DGKB: variants seen among roughly 807,000 people sequenced by gnomAD.
DGKB encodes 90 kDa diacylglycerol kinase.
In DGKB, 67 loss-of-function variants were observed where a neutral mutation model predicts 114.3. That is an observed-to-expected ratio of 0.59 (90% CI 0.48 to 0.72). The LOEUF is 0.72. DGKB is among the 30% of genes least tolerant of loss of function. The pLI, the probability that DGKB is intolerant of heterozygous loss-of-function variation, is 0.00. For missense variants in DGKB, 907 were observed against 975.2 expected, an observed-to-expected ratio of 0.93 and a Z score of 0.93; for synonymous variants, 398 against 323.1, an observed-to-expected ratio of 1.23 and a Z score of -2.49.
At chr7:14,539,550 C>T (rs982889289) in intron 20 of DGKB, among the ~76,000 whole-genome samples, 1 of 152,098 alleles carries the variant, frequency 6.6e-6, no homozygotes, top group Admixed American at 6.5e-5. Context: ...TATTTCCTAA[C>T]CCTGTTTTAA....
At chr7:14,402,941 A>G (rs1823362761) in intron 21 of DGKB, among the ~76,000 whole-genome samples, 1 of 151,894 alleles carries the variant, frequency 6.6e-6, no homozygotes, top group South Asian at 2.1e-4. Context: ...CAATTCTTAG[A>G]GGAATTTCTA....
At chr7:14,240,628 C>T (rs776346714) in intron 23 of DGKB, among the ~76,000 whole-genome samples, 15 of 152,028 alleles carry the variant, frequency 9.9e-5, no homozygotes, top group Non-Finnish European at 1.8e-4. Context: ...CTTACCTTTT[C>T]TTCCCTCCCC....
At chr7:14,418,898 GT>G (rs1563144386) in intron 21 of DGKB, among the ~76,000 whole-genome samples, 1 of 151,872 alleles carries the variant, frequency 6.6e-6, no homozygotes, top group East Asian at 1.9e-4. Flanking sequence ...TTCAGTAAGG[GT>G]TAACTGAATC....
At chr7:14,355,540 T>C (rs1186518229) in intron 21 of DGKB, among the ~76,000 whole-genome samples, 1 of 152,180 alleles carries the variant, frequency 6.6e-6, no homozygotes, top group Non-Finnish European at 1.5e-5. Context: ...GATAATCATG[T>C]GGTTTTTGTC....
chr7:14,488,783 G>A (rs568011344), intron 20 of DGKB, among the ~76,000 whole-genome samples: 1 of 150,664 alleles, frequency 6.6e-6, no homozygotes, highest in Non-Finnish European at 1.5e-5. Flanking sequence ...AGCCGAGACT[G>A]CGCCACTGCA....
chr7:14,764,548 A>G (rs1836178848), intron 2 of DGKB, among the ~76,000 whole-genome samples: 1 of 151,976 alleles, frequency 6.6e-6, no homozygotes, highest in South Asian at 2.1e-4. Context: ...TAATTAGCCT[A>G]CATCTCCATG....
chr7:14,176,994 T>C (rs1781842323), intron 24 of DGKB, 95 bp from the exon 25 acceptor site: 1 of 1,430,466 alleles, frequency 7.0e-7, no homozygotes, highest in African/African-American at 1.4e-5. Flanking sequence ...GGGAAGGCAA[T>C]ATGGTAATAG....
chr7:14,708,645 C>G (rs1291346855), intron 6 of DGKB, among the ~76,000 whole-genome samples: 3 of 151,666 alleles, frequency 2.0e-5, no homozygotes, highest in Admixed American at 2.0e-4. Context: ...GAACAGAGCC[C>G]TCAGAAATAA....
chr7:14,655,000 C>T (rs1264207068), intron 13 of DGKB, among the ~76,000 whole-genome samples: 1 of 151,720 alleles, frequency 6.6e-6, no homozygotes, highest in East Asian at 1.9e-4. Flanking sequence ...GTTACAAAGG[C>T]ACAGGTACCA....
In DGKB at chr7:14,456,015, C is replaced by T. The variant is rs541975138; in HGVS notation, c.1835+22146G>A. Among the ~76,000 whole-genome samples, 57 of 151,962 alleles carry T rather than the reference C, an allele frequency of 3.8e-4. 1 individual carries two copies. Among genetic ancestry groups the T allele is most frequent in the East Asian group, 1.2e-3 (6 of 5,168 alleles). ...ATTTCTAATCCAAAAATCCAAAATC[C>T]GAAATGTTACAAAATCTAAAATTTT... On this transcript the variant is annotated intron_variant, in intron 21 of 25. Transcript: ENST00000402815.
At chr7:14,191,824 C>G in intron 23 of DGKB, 1 of 454,502 alleles carries the variant, frequency 2.2e-6, no homozygotes, top group South Asian at 1.7e-5. Flanking sequence ...CAGGCTAAAT[C>G]AGTGACGGCT....
chr7:14,369,682 C>CT (rs1283590792), intron 21 of DGKB, among the ~76,000 whole-genome samples: 1 of 152,106 alleles, frequency 6.6e-6, no homozygotes, highest in Non-Finnish European at 1.5e-5. Context: ...TGATGATTAT[C>CT]TTTTTTTATA....
chr7:14,161,749 G>A (rs1783926754), intron 25 of DGKB, among the ~76,000 whole-genome samples: 1 of 151,928 alleles, frequency 6.6e-6, no homozygotes. Flanking sequence ...AAACCACCAT[G>A]ACACATGTAT....
intron 13 of DGKB, among the ~76,000 whole-genome samples, chr7:14,664,324 C>G (rs1817659515): frequency 6.6e-6 from 1 of 152,016 alleles, no homozygotes; most frequent in South Asian, 2.1e-4. Context: ...GTTGGTGTCT[C>G]TTGACTATTC....
At chr7:14,947,879 C>T (rs1447402206) in intron 1 of DGKB, among the ~76,000 whole-genome samples, 1 of 151,534 alleles carries the variant, frequency 6.6e-6, no homozygotes, top group Non-Finnish European at 1.5e-5. Flanking sequence ...TTATTCTTTC[C>T]AATTAATTGA....
rs78917585 is a variant in DGKB, at chr7:14,222,341, G to A, written c.2123-44190C>T. Among the ~76,000 whole-genome samples the A allele has an allele frequency of 2.8e-3, 427 of 150,880 alleles. 3 individuals are homozygous for A. The highest frequency in any genetic ancestry group is 0.022 in the East Asian group (114 of 5,126). ...GCATCCCCAAAATTTGGTATGTTAC[G>A]TCTTCATTCATCTTAAGGTGCTTTC... On this transcript the variant is annotated intron_variant, in intron 23 of 25. Coordinates refer to ENST00000402815, the MANE Select transcript of DGKB (RefSeq NM_001350709.2).
Position 14,210,378 on chromosome 7 carries a change from C to T in DGKB, c.2123-32227G>A, listed in dbSNP as rs184404029. Reference sequence around the variant, plus strand: ...CTCTTCAAGACTAATTAGAAGATAGCACTCCAGTGTGATGGCTGCTTTGTC... The same window carrying T: ...CTCTTCAAGACTAATTAGAAGATAGTACTCCAGTGTGATGGCTGCTTTGTC... On this transcript the variant is annotated intron_variant, in intron 23 of 25. Transcript: ENST00000402815. Among the ~76,000 whole-genome samples the T allele has an allele frequency of 2.6e-5, 4 of 152,242 alleles. No individual in the cohort carries two copies. The East Asian group carries it at 5.8e-4, about 22-fold the overall frequency.
Position 14,775,113 on chromosome 7 carries a change from ATT to A in DGKB, c.71-17384_71-17383del, listed in dbSNP as rs545283816. Among the ~76,000 whole-genome samples, 164 of 152,218 alleles carry A rather than the reference ATT, an allele frequency of 1.1e-3. 1 individual carries two copies. Among genetic ancestry groups the A allele is most frequent in the South Asian group, 3.1e-3 (15 of 4,826 alleles). On this transcript the variant is annotated intron_variant, in intron 2 of 25. Coordinates refer to ENST00000402815, the MANE Select transcript of DGKB (RefSeq NM_001350709.2). Reference sequence around the variant, plus strand: ...TTTGAATTCGTGAGCATAAATACATATTTAGAAAATTGGGATCCAAAATTACG... The same window carrying A: ...TTTGAATTCGTGAGCATAAATACATATAGAAAATTGGGATCCAAAATTACG...
In DGKB at chr7:14,478,234, A is replaced by T; in HGVS notation, c.1771-9T>A. 6.5e-7 allele frequency: 1 copy of T among 1,549,656 alleles called. No homozygotes were observed. The highest frequency in any genetic ancestry group is 8.8e-7 in the Non-Finnish European group (1 of 1,139,192). On this transcript the variant is annotated splice_polypyrimidine_tract_variant and intron_variant, in intron 20 of 25. Coordinates refer to ENST00000402815, the MANE Select transcript of DGKB (RefSeq NM_001350709.2). ...TGTGCAATGGAGGCATCCTAAGGGG[A>T]GAAAATAGAAAACAAAAACAGGATG... is the stretch of plus-strand genomic sequence containing the variant.
Sources: gnomAD v4.1 joint callset for allele counts (sites outside exome capture counted in the v4.1 genomes callset) on GRCh38, gnomAD v4.1.1 for gene constraint, MANE v1.5 for transcripts, NCBI Gene and HGNC (gene_info 2026-07-23, HGNC 2026-07-21) for gene names.